KDM4B: variants seen among roughly 807,000 people sequenced by gnomAD.
KDM4B encodes the protein lysine demethylase 4B, also known as lysine-specific demethylase 4B.
In KDM4B, 32 loss-of-function variants were observed where a neutral mutation model predicts 125.2. The ratio of observed to expected loss-of-function variants is 0.26; its 90% CI spans 0.19 to 0.34. The LOEUF (loss-of-function observed/expected upper bound fraction) is 0.34. Ranked by LOEUF, KDM4B falls within the 10% of genes least tolerant of loss-of-function variation. KDM4B has a pLI of 1.00. For synonymous variants in KDM4B, 721 were observed against 677.9 expected (o/e 1.06, Z -0.99); for missense variants, 1,190 against 1,577.7 (o/e 0.75, Z 4.16).
At chr19:5,098,564 C>T (rs181401669) in intron 9 of KDM4B, among the ~76,000 whole-genome samples, 54 of 152,238 alleles carry the variant, frequency 3.5e-4, no homozygotes, top group African/African-American at 1.3e-3. Context: ...GTTGGTCCAT[C>T]TAGTTCCCTA....
chr19:4,994,188 T>G (rs2035125009), intron 1 of KDM4B, among the ~76,000 whole-genome samples: 1 of 151,774 alleles, frequency 6.6e-6, no homozygotes, highest in African/African-American at 2.4e-5. Context: ...TCAAGCAGTT[T>G]GCCTGCCTAG....
chr19:5,098,207 C>T (rs1291858278), intron 9 of KDM4B, among the ~76,000 whole-genome samples: 1 of 152,202 alleles, frequency 6.6e-6, no homozygotes, highest in Non-Finnish European at 1.5e-5. Context: ...AGGGGGGACT[C>T]GGCCTCTGGG....
At chr19:5,064,520 C>T (rs995333919) in intron 6 of KDM4B, among the ~76,000 whole-genome samples, 6 of 152,224 alleles carry the variant, frequency 3.9e-5, no homozygotes, top group Admixed American at 3.9e-4. Flanking sequence ...TTGCCGAGAG[C>T]TTCCGCTGGC....
At chr19:5,110,169 TGATAGAAGTTCTA>T (rs1423339091) in intron 9 of KDM4B, among the ~76,000 whole-genome samples, 4 of 152,072 alleles carry the variant, frequency 2.6e-5, no homozygotes, top group African/African-American at 7.2e-5. Context: ...TCCTGACTTG[TGATAGAAGTTCTA>T]GAAACAGAGC....
At chr19:5,009,314 G>A (rs1280244700) in intron 1 of KDM4B, among the ~76,000 whole-genome samples, 3 of 152,162 alleles carry the variant, frequency 2.0e-5, no homozygotes. Flanking sequence ...TAAATAAGAG[G>A]CTGTTTCCCT....
At chr19:5,087,029 G>A (rs1401280618) in intron 9 of KDM4B, among the ~76,000 whole-genome samples, 1 of 152,260 alleles carries the variant, frequency 6.6e-6, no homozygotes, top group East Asian at 1.9e-4. Flanking sequence ...CGCACACACA[G>A]GAGGCAGCCT....
At chr19:5,019,286 T>G (rs975467470) in intron 2 of KDM4B, among the ~76,000 whole-genome samples, 1 of 118,802 alleles carries the variant, frequency 8.4e-6, no homozygotes, top group African/African-American at 3.3e-5. Flanking sequence ...GTGTGGACAT[T>G]GGTGTGCAGG....
chr19:5,109,044 T>G (rs2039088561), intron 9 of KDM4B, among the ~76,000 whole-genome samples: 1 of 152,230 alleles, frequency 6.6e-6, no homozygotes, highest in African/African-American at 2.4e-5. Flanking sequence ...GTCCCTGGCC[T>G]CTGTTTATTA....
Position 5,110,703 on chromosome 19 carries a change from A to G in KDM4B, c.1000A>G (p.Lys334Glu), listed in dbSNP as rs760928602. Residue 334 changes from lysine to glutamate, a missense_variant, in exon 10 of 23, where the codon AAG (lysine) becomes GAG (glutamate). Around this residue, in one of 7 missense-constraint regions of KDM4B, gnomAD observed 428 missense variants for 405.1 expected, o/e 1.06. Transcript: ENST00000159111. ...GCAGCCCGAGCGCTACGAGCTGTGG[A>G]AGCAGGGCAAGGACCTCACGGTGCT... The part of the protein sequence containing the change: ...ILQPERYELW[K>E]QGKDLTVLDH... The G allele has an allele frequency of 6.2e-7, 1 of 1,612,886 alleles. No homozygotes were observed. The highest frequency in any genetic ancestry group is 8.5e-7 in the Non-Finnish European group (1 of 1,179,866).
intron 6 of KDM4B, among the ~76,000 whole-genome samples, chr19:5,049,767 T>C (rs1283069940): frequency 6.6e-6 from 1 of 152,104 alleles, no homozygotes; most frequent in African/African-American, 2.4e-5. Context: ...CAGCAGATGG[T>C]AGGGGCCCTG....
intron 6 of KDM4B, among the ~76,000 whole-genome samples, chr19:5,057,063 T>G (rs1555701526): frequency 3.0e-5 from 4 of 134,364 alleles, no homozygotes; most frequent in African/African-American, 1.1e-4. Flanking sequence ...TGTGTGTGTG[T>G]GTGCGCGCGC....
intron 9 of KDM4B, among the ~76,000 whole-genome samples, chr19:5,093,754 G>A (rs2038760718): frequency 6.6e-6 from 1 of 152,222 alleles, no homozygotes; most frequent in South Asian, 2.1e-4. Context: ...TGTCTGCTTG[G>A]CAGTGGTCAC....
intron 11 of KDM4B, among the ~76,000 whole-genome samples, chr19:5,121,983 C>A (rs2039369728): frequency 6.6e-6 from 1 of 152,118 alleles, no homozygotes; most frequent in Non-Finnish European, 1.5e-5. Flanking sequence ...CCCCTCCCTC[C>A]CCCTGTCCAC....
chr19:5,149,872 C>T (rs2039915684), intron 21 of KDM4B, among the ~76,000 whole-genome samples: 1 of 152,198 alleles, frequency 6.6e-6, no homozygotes, highest in Admixed American at 6.5e-5. Context: ...ACACATAAGC[C>T]AGGGACCCTG....
intron 7 of KDM4B, among the ~76,000 whole-genome samples, chr19:5,073,379 G>A (rs1037002223): frequency 1.3e-5 from 2 of 152,244 alleles, no homozygotes; most frequent in South Asian, 2.1e-4. Flanking sequence ...CAGCAGCCCC[G>A]GTGGGGAGCA....
rs1376792545 is a variant in KDM4B, at chr19:5,142,437, G to T, written c.2551-1530G>T. 6.6e-6 allele frequency among the ~76,000 whole-genome samples: 1 copy of T among 152,206 alleles called. No homozygotes were observed. The highest frequency in any genetic ancestry group is 1.5e-5 in the Non-Finnish European group (1 of 68,034). On this transcript the variant is annotated intron_variant, in intron 18 of 22. Transcript: ENST00000159111. This position sits in a 1 kb window ranked among gnomAD's most constrained non-coding sequence, Gnocchi z 5.4. The stretch of plus-strand genomic sequence containing the variant: ...GCCCCAGGCACAGCTCCTGACAAAT[G>T]GTCCCATGGGTCCGGGGGCACGCTT...
chr19:5,129,740 A>T (rs902582745), intron 11 of KDM4B, among the ~76,000 whole-genome samples: 15 of 152,174 alleles, frequency 9.9e-5, no homozygotes, highest in Non-Finnish European at 1.5e-5. Flanking sequence ...GGGCCTGGAG[A>T]CACACAGGTG....
chr19:5,137,886 ACAT>A, intron 17 of KDM4B, 73 bp from the exon 18 acceptor site: 2 of 1,315,462 alleles, frequency 1.5e-6, no homozygotes, highest in Non-Finnish European at 2.1e-6. Flanking sequence ...GCCGACAGCC[ACAT>A]CACGCCCAGC....
rs763988502 is a variant in KDM4B at position 5,114,314 on chromosome 19, G to A, written c.1115+3496G>A. ...GTGAGCCCGGCTGGGCCCAGGCCTC[G>A]TCTCCCCTACCCCTCCGAGCTCGGT... is the stretch of plus-strand genomic sequence containing the variant. On this transcript the variant is annotated intron_variant, in intron 10 of 22. Coordinates refer to ENST00000159111, the MANE Select transcript of KDM4B (RefSeq NM_015015.3). This position sits in a 1 kb window ranked among gnomAD's most constrained non-coding sequence, Gnocchi z 5.8. The A allele has an allele frequency of 5.4e-5, 57 of 1,065,076 alleles. No homozygotes were observed. The highest frequency in any genetic ancestry group is 1.0e-4 in the South Asian group (8 of 76,626). The allele number at this position is 1,065,076 out of a possible 1,614,324, so 66.0% of individuals were successfully genotyped here.
Sources: allele counts gnomAD v4.1 joint callset (sites outside exome capture counted in the v4.1 genomes callset), GRCh38; gene constraint gnomAD v4.1.1; regional missense constraint gnomAD v4.1.1; non-coding constraint Gnocchi (gnomAD v3.1); transcripts MANE v1.5; gene names NCBI Gene and HGNC (gene_info 2026-07-23, HGNC 2026-07-21).